Variants in DPYD observed in about 807,000 individuals in gnomAD.
The protein encoded by DPYD is dihydropyrimidine dehydrogenase, also known as dihydropyrimidine dehydrogenase [NADP(+)].
DPYD carries 109 observed loss-of-function variants against 116.2 expected under a neutral mutation model. The observed-to-expected ratio is 0.94, with a 90% CI of 0.80 to 1.10. The LOEUF is 1.10. Among genes scored for constraint, DPYD ranks in the 50% least tolerant of loss-of-function variants. DPYD has a pLI of 0.00. For missense variants in DPYD, 1,302 were observed against 1,254.5 expected, an observed-to-expected ratio of 1.04 and a Z score of -0.57; for synonymous variants, 440 against 432.0, an observed-to-expected ratio of 1.02 and a Z score of -0.23.
intron 18 of DPYD, among the ~76,000 whole-genome samples, chr1:97,291,052 A>AAG (rs1194999762): frequency 6.6e-6 from 1 of 152,234 alleles, no homozygotes; most frequent in African/African-American, 2.4e-5. Context: ...TTCTCAAAAG[A>AAG]AGACATTTAT....
intron 20 of DPYD, among the ~76,000 whole-genome samples, chr1:97,171,853 G>A (rs1656744030): frequency 6.6e-6 from 1 of 152,120 alleles, no homozygotes; most frequent in Admixed American, 6.6e-5. Context: ...GGAAAAAGCA[G>A]AACTTAGCCT....
intron 18 of DPYD, 112 bp from the exon 19 acceptor site, chr1:97,235,106 T>C: frequency 1.6e-6 from 2 of 1,262,574 alleles, no homozygotes; most frequent in Non-Finnish European, 1.1e-6. Context: ...AAATTTCAAA[T>C]TACTTTATCT....
intron 15 of DPYD, among the ~76,000 whole-genome samples, chr1:97,374,028 A>G (rs1017117255): frequency 6.6e-6 from 1 of 152,224 alleles, no homozygotes; most frequent in African/African-American, 2.4e-5. Flanking sequence ...TGTAACTCAG[A>G]TCTGTTTGAC....
chr1:97,641,580 G>C (rs1335772989), intron 8 of DPYD, among the ~76,000 whole-genome samples: 1 of 152,030 alleles, frequency 6.6e-6, no homozygotes, highest in Non-Finnish European at 1.5e-5. Context: ...CAATAACCTA[G>C]GTATTGATGG....
At position 97,401,312 on chromosome 1, in the gene DPYD, T is replaced by TTTTG. The variant is rs1027746462; in HGVS notation, c.1906-18855_1906-18852dup. ...TATCTTTCACTGAGCGGAAGTTTTT[T>TTTTG]TTTGTTTGTTTGTTTGTTTGAGACG... On this transcript the variant is annotated intron_variant, in intron 14 of 22. Coordinates refer to ENST00000370192, the MANE Select transcript of DPYD (RefSeq NM_000110.4). Among the ~76,000 whole-genome samples the TTTTG allele has an allele frequency of 2.6e-3, 391 of 152,088 alleles. 1 individual carries two copies. Among genetic ancestry groups the TTTTG allele is most frequent in the African/African-American group, 9.0e-3 (372 of 41,496 alleles).
intron 16 of DPYD, among the ~76,000 whole-genome samples, chr1:97,343,200 T>C (rs896170151): frequency 2.0e-5 from 3 of 152,128 alleles, no homozygotes; most frequent in Non-Finnish European, 2.9e-5. Context: ...CTGTGGCAAC[T>C]ACCATTTACA....
intron 2 of DPYD, among the ~76,000 whole-genome samples, chr1:97,871,324 G>C (rs1046315224): frequency 3.3e-5 from 5 of 151,504 alleles, no homozygotes; most frequent in African/African-American, 1.2e-4. Context: ...AATATTCTTG[G>C]ACTAATACGT....
intron 3 of DPYD, among the ~76,000 whole-genome samples, chr1:97,773,868 T>A (rs191877708): frequency 1.4e-4 from 21 of 152,254 alleles, no homozygotes; most frequent in African/African-American, 4.8e-4. Context: ...CAAGCCCACA[T>A]GTGATCTGAT....
At chr1:97,322,350 G>T (rs11806147) in intron 16 of DPYD, among the ~76,000 whole-genome samples, 3,416 of 151,992 alleles carry the variant, frequency 0.022, 92 homozygotes, top group African/African-American at 0.066. Flanking sequence ...TTGTTTGTTT[G>T]TTTGCTTGCT....
At chr1:97,139,774 G>A (rs1473987723) in intron 20 of DPYD, among the ~76,000 whole-genome samples, 1 of 152,166 alleles carries the variant, frequency 6.6e-6, no homozygotes, top group Non-Finnish European at 1.5e-5. Flanking sequence ...GGTGGATCAG[G>A]CAGGACTTGG....
chr1:97,184,062 C>T (rs1328816979), intron 20 of DPYD, among the ~76,000 whole-genome samples: 1 of 152,042 alleles, frequency 6.6e-6, no homozygotes, highest in Non-Finnish European at 1.5e-5. Context: ...ATAATGGCCT[C>T]CAGCTCCATC....
At chr1:97,765,177 G>C (rs1266336730) in intron 3 of DPYD, among the ~76,000 whole-genome samples, 1 of 152,092 alleles carries the variant, frequency 6.6e-6, no homozygotes, top group East Asian at 1.9e-4. Flanking sequence ...CTTCACTCTT[G>C]AGTTTTACTT....
intron 18 of DPYD, among the ~76,000 whole-genome samples, chr1:97,302,417 A>G (rs1367651318): frequency 6.6e-6 from 1 of 152,008 alleles, no homozygotes; most frequent in African/African-American, 2.4e-5. Context: ...TTGAAATTCA[A>G]GTTTATAAAT....
At chr1:97,755,395 G>C (rs1032928897) in intron 3 of DPYD, among the ~76,000 whole-genome samples, 4 of 152,130 alleles carry the variant, frequency 2.6e-5, no homozygotes, top group Non-Finnish European at 5.9e-5. Flanking sequence ...TTGGAAGACT[G>C]GCCCACAATG....
chr1:97,513,891 T>C (rs1035448355), intron 13 of DPYD, among the ~76,000 whole-genome samples: 3 of 151,842 alleles, frequency 2.0e-5, no homozygotes, highest in Admixed American at 1.3e-4. Flanking sequence ...AAATCACGTA[T>C]GGAAAATAAT....
intron 1 of DPYD, among the ~76,000 whole-genome samples, chr1:97,920,575 G>A: frequency 6.6e-6 from 1 of 152,174 alleles, no homozygotes. Flanking sequence ...TGGAACTCCA[G>A]TGCTTCTTCA....
At chr1:97,421,468 C>A (rs534760704) in intron 14 of DPYD, among the ~76,000 whole-genome samples, 38 of 152,116 alleles carry the variant, frequency 2.5e-4, no homozygotes, top group Non-Finnish European at 2.8e-4. Flanking sequence ...ACAACAACAA[C>A]AAAAGTGATT....
intron 20 of DPYD, among the ~76,000 whole-genome samples, chr1:97,178,957 G>A (rs1177838191): frequency 1.3e-5 from 2 of 152,134 alleles, no homozygotes; most frequent in African/African-American, 4.8e-5. Context: ...CAGAGAAAGG[G>A]AGTAGGGAGA....
chr1:97,108,474 T>C (rs955944844), intron 20 of DPYD, among the ~76,000 whole-genome samples: 1 of 152,294 alleles, frequency 6.6e-6, no homozygotes, highest in Non-Finnish European at 1.5e-5. Context: ...ATTATAACTC[T>C]TTCCATCCTA....
Sources: allele counts gnomAD v4.1 joint callset (sites outside exome capture counted in the v4.1 genomes callset), GRCh38; gene constraint gnomAD v4.1.1; transcripts MANE v1.5; gene names NCBI Gene and HGNC (gene_info 2026-07-23, HGNC 2026-07-21).